FMN1: variants seen among roughly 807,000 people sequenced by gnomAD.
FMN1 encodes formin-1.
Under a neutral mutation model 132.4 loss-of-function variants are expected in FMN1, and 110 were observed. That is an observed-to-expected ratio of 0.83 (90% CI 0.71 to 0.97). The LOEUF (loss-of-function observed/expected upper bound fraction) is 0.97. FMN1 is among the 50% of genes least tolerant of loss of function. The pLI is 0.00. For synonymous variants in FMN1, 722 were observed against 651.7 expected, an observed-to-expected ratio of 1.11 and a Z score of -1.64; for missense variants, 1,792 against 1,705.3, an observed-to-expected ratio of 1.05 and a Z score of -0.90.
intron 9 of FMN1, among the ~76,000 whole-genome samples, chr15:32,950,133 A>G (rs887266530): frequency 3.5e-5 from 5 of 141,988 alleles, no homozygotes; most frequent in East Asian, 2.1e-4. Flanking sequence ...CAAAACCACA[A>G]TGAGATACCA....
At chr15:33,086,417 G>GT (rs1048937525) in intron 5 of FMN1, among the ~76,000 whole-genome samples, 183 of 150,654 alleles carry the variant, frequency 1.2e-3, no homozygotes, top group African/African-American at 2.2e-3. Flanking sequence ...AGATTATGAG[G>GT]TTTTTTTTTC....
chr15:33,033,293 G>C lies in FMN1; in HGVS notation c.2162-25218C>G, dbSNP rs8036802. Among the ~76,000 whole-genome samples the C allele has an allele frequency of 1.4e-3, 209 of 152,278 alleles. 1 individual carries two copies. The highest frequency in any genetic ancestry group is 4.5e-3 in the African/African-American group (185 of 41,544). ...GATCCGCCCACCTCAGCCTCCCAAA[G>C]TGCTGGGATTACAGGCGTGAGCCAC... On this transcript the variant is annotated intron_variant, in intron 6 of 20. Coordinates refer to ENST00000616417, the MANE Select transcript of FMN1 (RefSeq NM_001277313.2).
At position 33,066,925 on chromosome 15, in the gene FMN1, C is replaced by CT. The variant is rs2037758926; in HGVS notation, c.2044-1852dup. On this transcript the variant is annotated intron_variant, in intron 5 of 20. Transcript: ENST00000616417. The stretch of plus-strand genomic sequence containing the variant: ...CACTCTTCACTGTCTGCAGCCCTGC[C>CT]TGCACTAAGGACTTCTGCACAGGCT... 4.3e-6 allele frequency: 7 copies of CT among 1,614,008 alleles called. No homozygotes were observed. In the South Asian group the frequency reaches 6.6e-5, roughly 15 times the overall value.
intron 4 of FMN1, among the ~76,000 whole-genome samples, chr15:33,112,362 T>C (rs1034901703): frequency 6.6e-6 from 1 of 152,074 alleles, no homozygotes; most frequent in Non-Finnish European, 1.5e-5. Context: ...CTATGAAGAG[T>C]TGAGGTGGTT....
intron 9 of FMN1, among the ~76,000 whole-genome samples, chr15:32,963,601 A>G (rs763980974): frequency 4.6e-5 from 7 of 152,244 alleles, no homozygotes; most frequent in Non-Finnish European, 7.3e-5. Flanking sequence ...CATACTGGAT[A>G]CTGCAGGCCT....
chr15:33,119,992 G>A lies in FMN1; in HGVS notation c.1868-31018C>T, dbSNP rs145445082. On this transcript the variant is annotated intron_variant, in intron 4 of 20. Transcript: ENST00000616417. The stretch of plus-strand genomic sequence containing the variant: ...TTAAGCGTCACAACACCTCATTCAG[G>A]AATGCGATGGTAAGGATTATTATTA... Among the ~76,000 whole-genome samples the A allele has an allele frequency of 5.5e-4, 84 of 152,240 alleles. 1 individual carries two copies. The highest frequency in any genetic ancestry group is 1.9e-3 in the African/African-American group (80 of 41,542).
At chr15:33,080,341 G>C (rs1595427083) in intron 5 of FMN1, among the ~76,000 whole-genome samples, 2 of 152,208 alleles carry the variant, frequency 1.3e-5, no homozygotes, top group African/African-American at 2.4e-5. Flanking sequence ...ATCTGCTGGT[G>C]TTCCCGTAAC....
At chr15:33,186,424 C>G (rs1160800293) in intron 2 of FMN1, among the ~76,000 whole-genome samples, 2 of 152,060 alleles carry the variant, frequency 1.3e-5, no homozygotes, top group African/African-American at 4.8e-5. Context: ...CTACATATTT[C>G]TGACTGTTCT....
chr15:32,802,434 A>G (rs1056235976), intron 18 of FMN1, among the ~76,000 whole-genome samples: 2 of 152,226 alleles, frequency 1.3e-5, no homozygotes, highest in Non-Finnish European at 2.9e-5. Context: ...TTGAGAATAA[A>G]ACATAAGAAT....
At chr15:32,997,417 A>G (rs1012662014) in intron 7 of FMN1, among the ~76,000 whole-genome samples, 1 of 152,040 alleles carries the variant, frequency 6.6e-6, no homozygotes, top group African/African-American at 2.4e-5. Flanking sequence ...GAAAAAATTA[A>G]AACTTAAAAA....
intron 5 of FMN1, among the ~76,000 whole-genome samples, chr15:33,084,633 G>GT (rs954546966): frequency 6.8e-5 from 10 of 146,740 alleles, no homozygotes; most frequent in African/African-American, 2.8e-4. Context: ...AGGAGGTTTT[G>GT]TTTGTTTGTT....
chr15:33,066,211 C>T (rs908693830), intron 5 of FMN1, among the ~76,000 whole-genome samples: 3 of 152,174 alleles, frequency 2.0e-5, no homozygotes, highest in African/African-American at 7.2e-5. Context: ...TTTCCTCATG[C>T]TACCTAGTTT....
At chr15:33,172,212 AAAAAAAAAG>A (rs1965354500) in intron 3 of FMN1, among the ~76,000 whole-genome samples, 1 of 151,110 alleles carries the variant, frequency 6.6e-6, no homozygotes, top group South Asian at 2.1e-4. Flanking sequence ...CGTCTCAAAA[AAAAAAAAAG>A]AAAAGAAAGA....
At chr15:32,906,208 C>G (rs566881637) in intron 12 of FMN1, among the ~76,000 whole-genome samples, 1 of 152,286 alleles carries the variant, frequency 6.6e-6, no homozygotes, top group South Asian at 2.1e-4. Context: ...ACAAGGGCTG[C>G]TCGGTGGTTA....
At chr15:33,127,099 G>A (rs750667416) in intron 4 of FMN1, among the ~76,000 whole-genome samples, 40 of 152,118 alleles carry the variant, frequency 2.6e-4, no homozygotes, top group Non-Finnish European at 5.0e-4. Flanking sequence ...GCTGGTTGGG[G>A]GAGTGATGAA....
At chr15:33,174,479 A>G (rs1393696484) in intron 3 of FMN1, among the ~76,000 whole-genome samples, 1 of 152,190 alleles carries the variant, frequency 6.6e-6, no homozygotes, top group African/African-American at 2.4e-5. Flanking sequence ...ATTATGTTAT[A>G]CAATCTTCTT....
chr15:32,798,056 C>T (rs1054443125), intron 19 of FMN1, among the ~76,000 whole-genome samples: 1 of 151,994 alleles, frequency 6.6e-6, no homozygotes, highest in Non-Finnish European at 1.5e-5. Flanking sequence ...GTAGTAAGAC[C>T]TGTTTGAAAT....
intron 9 of FMN1, among the ~76,000 whole-genome samples, chr15:32,947,697 GA>G (rs2061539259): frequency 6.6e-6 from 1 of 151,880 alleles, no homozygotes; most frequent in Non-Finnish European, 1.5e-5. Flanking sequence ...CAATAAAGTT[GA>G]ATAATTTTCT....
At chr15:33,177,184 A>G (rs1965543983) in intron 3 of FMN1, among the ~76,000 whole-genome samples, 1 of 152,242 alleles carries the variant, frequency 6.6e-6, no homozygotes, top group African/African-American at 2.4e-5. Context: ...CTGAGCTGCA[A>G]TTTGAACCCA....
Sources: allele counts gnomAD v4.1 joint callset (sites outside exome capture counted in the v4.1 genomes callset), GRCh38; gene constraint gnomAD v4.1.1; transcripts MANE v1.5; gene names NCBI Gene and HGNC (gene_info 2026-07-23, HGNC 2026-07-21).